KAZN: variants seen among roughly 807,000 people sequenced by gnomAD.
The protein encoded by KAZN is kazrin.
KAZN carries 40 observed loss-of-function variants against 87.4 expected under a neutral mutation model. That is an observed-to-expected ratio of 0.46 (90% CI 0.36 to 0.60). KAZN has a LOEUF of 0.60. Ranked by LOEUF, KAZN falls within the 20% of genes least tolerant of loss-of-function variation. The pLI is 0.00. For missense variants in KAZN, 898 were observed against 1,073.9 expected, an observed-to-expected ratio of 0.84 and a Z score of 2.29; for synonymous variants, 466 against 458.3, an observed-to-expected ratio of 1.02 and a Z score of -0.22.
intron 2 of KAZN, among the ~76,000 whole-genome samples, chr1:14,547,804 T>C (rs143205636): frequency 3.0e-4 from 45 of 152,162 alleles, no homozygotes; most frequent in African/African-American, 1.1e-3. Flanking sequence ...TCGACCAGGA[T>C]GGTCTCGATC....
At chr1:14,310,342 G>C (rs1655199179) in intron 2 of KAZN, among the ~76,000 whole-genome samples, 1 of 152,162 alleles carries the variant, frequency 6.6e-6, no homozygotes, top group African/African-American at 2.4e-5. Context: ...AGGCAGTATG[G>C]AGCCACCAGA....
chr1:14,233,851 A>G (rs891405570), intron 2 of KAZN, among the ~76,000 whole-genome samples: 1 of 152,166 alleles, frequency 6.6e-6, no homozygotes, highest in African/African-American at 2.4e-5. Context: ...ACAATGAGAT[A>G]CCATCTCACG....
intron 2 of KAZN, among the ~76,000 whole-genome samples, chr1:14,416,970 ATGTATATATG>A (rs1664825244): frequency 6.8e-6 from 1 of 146,564 alleles, no homozygotes. Flanking sequence ...GTGTATACAT[ATGTATATATG>A]TGTATATATA....
chr1:14,158,888 T>C (rs7533459), intron 1 of KAZN, among the ~76,000 whole-genome samples: 1 of 152,054 alleles, frequency 6.6e-6, no homozygotes, highest in Admixed American at 6.5e-5. Flanking sequence ...TCTTGGGTAA[T>C]ATCTGAAATA....
At chr1:14,896,205 C>T (rs760671150) in intron 1 of KAZN, among the ~76,000 whole-genome samples, 11 of 152,054 alleles carry the variant, frequency 7.2e-5, no homozygotes, top group Non-Finnish European at 1.3e-4. Flanking sequence ...CAGGCACACA[C>T]CACCACGCCC....
intron 2 of KAZN, among the ~76,000 whole-genome samples, chr1:14,448,101 A>G (rs1445487290): frequency 6.6e-6 from 1 of 152,244 alleles, no homozygotes; most frequent in East Asian, 1.9e-4. Context: ...CCCTGGTAGC[A>G]TTGACTGAAT....
intron 1 of KAZN, among the ~76,000 whole-genome samples, chr1:14,143,347 C>T (rs1557511163): frequency 6.6e-6 from 1 of 152,228 alleles, no homozygotes; most frequent in South Asian, 2.1e-4. Flanking sequence ...TATTCCACTG[C>T]TCCCCTAGAA....
chr1:15,047,258 C>T lies in KAZN; in HGVS notation c.726+3099C>T, dbSNP rs561513666. On this transcript the variant is annotated intron_variant, in intron 4 of 14. Transcript: ENST00000376030. ...GACTGCAGGTTCCCTCCATTGCCCG[C>T]CATGCCTAAAGTTTCACCGCCAGGC... is the stretch of plus-strand genomic sequence containing the variant. Among the ~76,000 whole-genome samples, 54 of 152,338 alleles carry T rather than the reference C, an allele frequency of 3.5e-4. 1 individual carries two copies. Among genetic ancestry groups the T allele is most frequent in the South Asian group, 1.9e-3 (9 of 4,830 alleles).
In KAZN at chr1:14,895,206, T is replaced by C. The variant is rs984552640; in HGVS notation, c.227-65478T>C. Among the ~76,000 whole-genome samples, 4 of 152,344 alleles carry C rather than the reference T, an allele frequency of 2.6e-5. No individual in the cohort carries two copies. In the East Asian group the frequency reaches 7.7e-4, roughly 29 times the overall value. The stretch of plus-strand genomic sequence containing the variant: ...CGTGGGGCAATGGCCAGCCCCAGAA[T>C]CTCAGCTGCAGCCATGGGGGCTGTC... On this transcript the variant is annotated intron_variant, in intron 1 of 14. Coordinates refer to ENST00000376030, the MANE Select transcript of KAZN (RefSeq NM_201628.3).
intron 2 of KAZN, among the ~76,000 whole-genome samples, chr1:14,466,087 G>C (rs1668110715): frequency 6.6e-6 from 1 of 152,110 alleles, no homozygotes; most frequent in Non-Finnish European, 1.5e-5. Context: ...TATCATTTAG[G>C]TTTGTGTAAG....
intron 1 of KAZN, among the ~76,000 whole-genome samples, chr1:14,738,853 G>A (rs1176239219): frequency 6.6e-6 from 1 of 152,136 alleles, no homozygotes; most frequent in African/African-American, 2.4e-5. Context: ...CACACAGCAA[G>A]TAGAGGGCAG....
chr1:14,143,854 A>G (rs1645291516), intron 1 of KAZN, among the ~76,000 whole-genome samples: 1 of 152,006 alleles, frequency 6.6e-6, no homozygotes, highest in Non-Finnish European at 1.5e-5. Flanking sequence ...AATAGCTGGG[A>G]GCACAAGCCT....
At chr1:14,568,504 G>T (rs1233563896) in intron 2 of KAZN, among the ~76,000 whole-genome samples, 1 of 152,186 alleles carries the variant, frequency 6.6e-6, no homozygotes, top group East Asian at 1.9e-4. Flanking sequence ...AGGCAAGAGA[G>T]AACATGTGCA....
chr1:14,486,830 A>G (rs1473326949), intron 2 of KAZN, among the ~76,000 whole-genome samples: 1 of 152,246 alleles, frequency 6.6e-6, no homozygotes, highest in Non-Finnish European at 1.5e-5. Flanking sequence ...AGTGCCAGGC[A>G]TAATATTATA....
intron 2 of KAZN, among the ~76,000 whole-genome samples, chr1:14,419,871 G>A (rs74476036): frequency 0.049 from 7,353 of 151,074 alleles, 245 homozygotes; most frequent in East Asian, 0.11. Flanking sequence ...ATTACAGCTC[G>A]CACAGACAGT....
intron 1 of KAZN, among the ~76,000 whole-genome samples, chr1:13,909,177 G>A (rs1440488526): frequency 1.3e-5 from 2 of 152,138 alleles, no homozygotes; most frequent in Non-Finnish European, 2.9e-5. Context: ...TTGAATTATG[G>A]GATTGGTGGA....
chr1:14,213,226 G>A (rs1005286465), intron 2 of KAZN, among the ~76,000 whole-genome samples: 7 of 152,090 alleles, frequency 4.6e-5, no homozygotes, highest in Admixed American at 1.3e-4. Context: ...TCAGGTACAC[G>A]GGGTTGATTT....
At chr1:14,165,003 A>G (rs10928046) in intron 1 of KAZN, among the ~76,000 whole-genome samples, 22,095 of 152,178 alleles carry the variant, frequency 0.15, 1,787 homozygotes, top group East Asian at 0.33. Flanking sequence ...AGGCAATTCA[A>G]TTGAAGCATG....
chr1:15,006,801 A>T (rs911067568), intron 2 of KAZN, among the ~76,000 whole-genome samples: 2 of 152,180 alleles, frequency 1.3e-5, no homozygotes, highest in African/African-American at 4.8e-5. Flanking sequence ...TCACGCCTGT[A>T]ATCCCAGCAC....
Sources: gnomAD v4.1 joint callset for allele counts (sites outside exome capture counted in the v4.1 genomes callset) on GRCh38, gnomAD v4.1.1 for gene constraint, MANE v1.5 for transcripts, NCBI Gene and HGNC (gene_info 2026-07-23, HGNC 2026-07-21) for gene names.